DEFB135: variants seen among roughly 807,000 people sequenced by gnomAD.
The protein encoded by DEFB135 is defensin beta 135, also known as beta-defensin 135.
Under a neutral mutation model 8.9 loss-of-function variants are expected in DEFB135, and 14 were observed. That is an observed-to-expected ratio of 1.58 (90% CI 1.04 to 2.47). The LOEUF (loss-of-function observed/expected upper bound fraction) is 2.47. DEFB135 is among the 30% of genes most tolerant of loss of function. DEFB135 has a pLI of 0.00. For missense variants in DEFB135, 135 were observed against 94.2 expected, an observed-to-expected ratio of 1.43 and a Z score of -1.79; for synonymous variants, 51 against 34.5, an observed-to-expected ratio of 1.48 and a Z score of -1.67.
At position 11,982,398 on chromosome 8, in the gene DEFB135, C is replaced by A. The variant is rs1183396274; in HGVS notation, c.64+14C>A. On this transcript the variant is annotated intron_variant, in intron 1 of 1. Coordinates refer to ENST00000382208, the MANE Select transcript of DEFB135 (RefSeq NM_001033017.3). ...ATGTTCCACCAGGTAAAATGGAGTC[C>A]CCACCTTGTAGAATTAGGAATAGTA... The A allele has an allele frequency of 3.1e-6, 5 of 1,613,856 alleles. No individual in the cohort carries two copies. Among genetic ancestry groups the A allele is most frequent in the Non-Finnish European group, 3.4e-6 (4 of 1,179,834 alleles).
At position 11,984,487 on chromosome 8, in the gene DEFB135, G is replaced by A. The variant is rs1477976387; in HGVS notation, c.131G>A (p.Cys44Tyr). The A allele has an allele frequency of 3.8e-6, 6 of 1,583,602 alleles. No homozygotes were observed. The highest frequency in any genetic ancestry group is 5.2e-6 in the Non-Finnish European group (6 of 1,157,348). ...FASCWRLQGT[C>Y]RPKCLKNEQY... ...TCATGTTGGCGACTGCAAGGTACTT[G>A]CCGGCCAAAATGTCTAAAAAACGAA... The change falls in exon 2 of 2, where the codon TGC becomes TAC. Residue 44 changes from cysteine to tyrosine, a missense_variant. Cys to Tyr is a radical substitution (Grantham distance 194, BLOSUM62 -2). Transcript: ENST00000382208.
At position 11,984,509 on chromosome 8, in the gene DEFB135, C is replaced by T. The variant is rs368213237; in HGVS notation, c.153C>T (p.Asn51=). 27 of 1,588,330 alleles carry T rather than the reference C, an allele frequency of 1.7e-5. No individual in the cohort carries two copies. The highest frequency in any genetic ancestry group is 2.7e-5 in the African/African-American group (2 of 74,494). Residue 51 remains asparagine (N), a synonymous_variant, in exon 2 of 2, where the codon AAC becomes AAT. Coordinates refer to ENST00000382208, the MANE Select transcript of DEFB135 (RefSeq NM_001033017.3). ...QGTCRPKCLK[N]EQYRILCDTI... Reference sequence around the variant, plus strand: ...CTTGCCGGCCAAAATGTCTAAAAAACGAACAATATCGTATTTTGTGTGATA... The same window carrying T: ...CTTGCCGGCCAAAATGTCTAAAAAATGAACAATATCGTATTTTGTGTGATA...
At position 11,982,381 on chromosome 8, in the gene DEFB135, C is replaced by G. The variant is rs769678026; in HGVS notation, c.61C>G (p.Pro21Ala). 1 of 1,613,960 alleles carries G rather than the reference C, an allele frequency of 6.2e-7. No homozygotes were observed. The highest frequency in any genetic ancestry group is 8.5e-7 in the Non-Finnish European group (1 of 1,179,994). Residue 21 changes from proline (P) to alanine (A), a missense_variant, in exon 1 of 2, where the codon CCA becomes GCA. Physicochemically the swap from Pro to Ala is conservative, Grantham distance 27. Coordinates refer to ENST00000382208, the MANE Select transcript of DEFB135 (RefSeq NM_001033017.3). ...VVLNLLFYVPPGRSGPNVYIQ... is the reference protein window; with the variant it reads ...VVLNLLFYVPAGRSGPNVYIQ... ...CCTTAACTTACTCTTCTATGTTCCACCAGGTAAAATGGAGTCCCCACCTTG... is the reference window on the plus strand; with the variant it reads ...CCTTAACTTACTCTTCTATGTTCCAGCAGGTAAAATGGAGTCCCCACCTTG...
chr8:11,982,461 A>G (rs1799753579), intron 1 of DEFB135, 77 bp downstream of exon 1: 1 of 1,545,506 alleles, frequency 6.5e-7, no homozygotes, highest in African/African-American at 1.4e-5. Flanking sequence ...AGAGTGAGAA[A>G]AAGGCAGGAC....
chr8:11,984,428 T>C lies in DEFB135; in HGVS notation c.72T>C (p.Ser24=), dbSNP rs1486942925. Residue 24 remains serine, a synonymous_variant, in exon 2 of 2, where the codon AGT becomes AGC. Coordinates refer to ENST00000382208, the MANE Select transcript of DEFB135 (RefSeq NM_001033017.3). Reference sequence around the variant, plus strand: ...CTTTGTTTCTCTTGGCAGGTAGAAGTGGACCCAATGTCTACATACAAAAAA... The same window carrying C: ...CTTTGTTTCTCTTGGCAGGTAGAAGCGGACCCAATGTCTACATACAAAAAA... ...NLLFYVPPGR[S]GPNVYIQKIF... is the part of the protein sequence containing the mutation. 1 of 1,546,932 alleles carries C rather than the reference T, an allele frequency of 6.5e-7. No individual in the cohort carries two copies. The highest frequency in any genetic ancestry group is 8.8e-7 in the Non-Finnish European group (1 of 1,134,234).
chr8:11,984,557 C>A lies in DEFB135; in HGVS notation c.201C>A (p.Asn67Lys). 6.5e-7 allele frequency: 1 copy of A among 1,542,518 alleles called. No individual in the cohort carries two copies. Among genetic ancestry groups the A allele is most frequent in the Non-Finnish European group, 8.8e-7 (1 of 1,132,258 alleles). Residue 67 changes from asparagine (N) to lysine (K), a missense_variant, in exon 2 of 2, where the codon AAC (asparagine) becomes AAA (lysine). Coordinates refer to ENST00000382208, the MANE Select transcript of DEFB135 (RefSeq NM_001033017.3). ...LCDTIHLCCV[N>K]PKYLPILTGK ...ATACTATACATTTGTGCTGTGTAAA[C>A]CCAAAATATTTACCTATACTGACTG...
chr8:11,982,637 G>A (rs1187347626), intron 1 of DEFB135, among the ~76,000 whole-genome samples: 1 of 152,168 alleles, frequency 6.6e-6, no homozygotes, highest in Admixed American at 6.5e-5. Context: ...AAGTTTGAGG[G>A]GAAGGCTGGA....
intron 1 of DEFB135, 131 bp from the exon 2 acceptor site, chr8:11,984,290 T>G (rs1340663541): frequency 1.5e-6 from 1 of 670,996 alleles, no homozygotes; most frequent in Non-Finnish European, 2.2e-6. Context: ...CTATAAAATG[T>G]CTTGAGTATC....
intron 1 of DEFB135, 102 bp downstream of exon 1, chr8:11,982,486 C>A: frequency 7.5e-7 from 1 of 1,336,116 alleles, no homozygotes; most frequent in Non-Finnish European, 1.1e-6. Context: ...ACAAAGGAAG[C>A]TGCAACAGGG....
rs1168821258 is a variant in DEFB135, at chr8:11,982,349, TC to T, written c.30del (p.Val11TrpfsTer39). The T allele has an allele frequency of 6.2e-7, 1 of 1,614,042 alleles. No individual in the cohort carries two copies. Among genetic ancestry groups the T allele is most frequent in the Non-Finnish European group, 8.5e-7 (1 of 1,180,034 alleles). ...GCCACAAGGAGCGTCCTCTTGGCCC[TC>T]GTGGTCCTTAACTTACTCTTCTATG... MATRSVLLA[L>X]VVLNLLFYVP... is the part of the protein sequence containing the mutation. On this transcript the variant is annotated frameshift_variant, in exon 1 of 2. Transcript: ENST00000382208. LOFTEE classifies it high-confidence loss of function.
intron 1 of DEFB135, 138 bp from the exon 2 acceptor site, chr8:11,984,283 T>C: frequency 1.6e-6 from 1 of 629,506 alleles, no homozygotes; most frequent in Non-Finnish European, 2.4e-6. Flanking sequence ...CATCCAGCTA[T>C]AAAATGTCTT....
Position 11,983,122 on chromosome 8 carries a change from G to A in DEFB135, c.64+738G>A, listed in dbSNP as rs181573385. Among the ~76,000 whole-genome samples, 247 of 152,272 alleles carry A rather than the reference G, an allele frequency of 1.6e-3. 4 individuals are homozygous for A. The highest frequency in any genetic ancestry group is 5.6e-3 in the African/African-American group (233 of 41,558). Reference sequence around the variant, plus strand: ...AAAAGACAGATATGAGGCTGGGCGCGGTGGCTCACGCCTGCAATCTAAGCA... The same window carrying A: ...AAAAGACAGATATGAGGCTGGGCGCAGTGGCTCACGCCTGCAATCTAAGCA... On this transcript the variant is annotated intron_variant, in intron 1 of 1. Coordinates refer to ENST00000382208, the MANE Select transcript of DEFB135 (RefSeq NM_001033017.3).
chr8:11,983,222 C>T (rs372666193), intron 1 of DEFB135, among the ~76,000 whole-genome samples: 14 of 151,998 alleles, frequency 9.2e-5, no homozygotes, highest in Middle Eastern at 3.4e-3. Flanking sequence ...GGTGAAAACC[C>T]GTCTCTACTA....
chr8:11,983,048 A>T (rs974201258), intron 1 of DEFB135, among the ~76,000 whole-genome samples: 11 of 152,336 alleles, frequency 7.2e-5, no homozygotes, highest in Non-Finnish European at 1.5e-4. Context: ...CTTTGCCTCA[A>T]ACCTTCATAT....
rs948240567 is a variant in DEFB135 at position 11,982,256 on chromosome 8, G to T, written c.-65G>T. 7 of 1,577,304 alleles carry T rather than the reference G, an allele frequency of 4.4e-6. No individual in the cohort carries two copies. In the Admixed American group the frequency reaches 1.2e-4, roughly 26 times the overall value. ...AGGTTCACTAGCCATGCAGCTCCCCGTCTCTTCAAAGCTGCGGAGAGAGTG... is the reference window on the plus strand; with the variant it reads ...AGGTTCACTAGCCATGCAGCTCCCCTTCTCTTCAAAGCTGCGGAGAGAGTG... On this transcript the variant is annotated 5_prime_UTR_variant, in exon 1 of 2. Transcript: ENST00000382208.
intron 1 of DEFB135, 111 bp from the exon 2 acceptor site, chr8:11,984,310 G>A (rs190901931): frequency 6.4e-5 from 54 of 850,218 alleles, no homozygotes; most frequent in African/African-American, 3.6e-4. Flanking sequence ...CTTTGATCGC[G>A]TCTAATTCAT....
At position 11,984,436 on chromosome 8, in the gene DEFB135, A is replaced by G. The variant is rs759659834; in HGVS notation, c.80A>G (p.Asn27Ser). 5.2e-5 allele frequency: 81 copies of G among 1,558,466 alleles called. No homozygotes were observed. Among genetic ancestry groups the G allele is most frequent in the Non-Finnish European group, 6.7e-5 (77 of 1,140,750 alleles). Residue 27 changes from asparagine to serine, a missense_variant, in exon 2 of 2, where the codon AAT becomes AGT. By Grantham distance (46) the Asn-to-Ser change is conservative (BLOSUM62 1). Transcript: ENST00000382208. ...CTCTTGGCAGGTAGAAGTGGACCCA[A>G]TGTCTACATACAAAAAATCTTTGCT... ...FYVPPGRSGP[N>S]VYIQKIFASC...
Position 11,982,371 on chromosome 8 carries a change from C to G in DEFB135, c.51C>G (p.Phe17Leu). ...LLALVVLNLL[F>L]YVPPGRSGPN... ...CCCTCGTGGTCCTTAACTTACTCTT[C>G]TATGTTCCACCAGGTAAAATGGAGT... Residue 17 changes from phenylalanine to leucine, a missense_variant, in exon 1 of 2, where the codon TTC becomes TTG. Coordinates refer to ENST00000382208, the MANE Select transcript of DEFB135 (RefSeq NM_001033017.3). 1 of 1,614,086 alleles carries G rather than the reference C, an allele frequency of 6.2e-7. No individual in the cohort carries two copies. The highest frequency in any genetic ancestry group is 1.1e-5 in the South Asian group (1 of 91,070).
chr8:11,982,488 G>A (rs74479897), intron 1 of DEFB135, 104 bp downstream of exon 1: 82,924 of 1,285,846 alleles, frequency 0.064, 3,081 homozygotes, highest in Middle Eastern at 0.12. Context: ...AAAGGAAGCT[G>A]CAACAGGGAG....
Sources: allele counts gnomAD v4.1 joint callset (sites outside exome capture counted in the v4.1 genomes callset), GRCh38; gene constraint gnomAD v4.1.1; transcripts MANE v1.5; gene names NCBI Gene and HGNC (gene_info 2026-07-23, HGNC 2026-07-21).